The following NEDD4L variants were observed in gnomAD, a reference collection of about 807,000 sequenced individuals.
The protein encoded by NEDD4L is E3 ubiquitin-protein ligase NEDD4-like.
Under a neutral mutation model 148.9 loss-of-function variants are expected in NEDD4L, and 54 were observed. That is an observed-to-expected ratio of 0.36 (90% CI 0.29 to 0.45). The LOEUF is 0.45. Ranked by LOEUF, NEDD4L falls within the 20% of genes least tolerant of loss-of-function variation. The pLI is 1.00. For synonymous variants in NEDD4L, 433 were observed against 440.7 expected (o/e 0.98, Z 0.22); for missense variants, 856 against 1,233.8 (o/e 0.69, Z 4.59).
chr18:58,147,935 T>C (rs1382973145), intron 1 of NEDD4L, among the ~76,000 whole-genome samples: 2 of 152,130 alleles, frequency 1.3e-5, no homozygotes, highest in Non-Finnish European at 2.9e-5. Flanking sequence ...GTTTCTGTGC[T>C]CTGGCTCTGC....
At chr18:58,218,834 A>C (rs535077768) in intron 2 of NEDD4L, among the ~76,000 whole-genome samples, 1 of 152,274 alleles carries the variant, frequency 6.6e-6, no homozygotes, top group South Asian at 2.1e-4. Context: ...CCTGGTGATC[A>C]TGGTGGCAGT....
At chr18:58,205,524 G>A (rs1394627898) in intron 2 of NEDD4L, among the ~76,000 whole-genome samples, 1 of 151,730 alleles carries the variant, frequency 6.6e-6, no homozygotes, top group African/African-American at 2.4e-5. Context: ...GTGTGTGGTT[G>A]GCAGGGAGAG....
intron 2 of NEDD4L, among the ~76,000 whole-genome samples, chr18:58,180,891 A>C (rs1186415164): frequency 1.3e-5 from 2 of 152,208 alleles, no homozygotes; most frequent in Non-Finnish European, 2.9e-5. Flanking sequence ...TTAACTGTCT[A>C]TTCCTTCTCT....
chr18:58,356,531 G>A (rs764452475), intron 18 of NEDD4L, among the ~76,000 whole-genome samples: 1 of 152,196 alleles, frequency 6.6e-6, no homozygotes, highest in Non-Finnish European at 1.5e-5. Flanking sequence ...GGTATAGATA[G>A]CATTGAACAG....
chr18:58,218,260 C>T (rs966361261), intron 2 of NEDD4L, among the ~76,000 whole-genome samples: 1 of 152,184 alleles, frequency 6.6e-6, no homozygotes, highest in South Asian at 2.1e-4. Context: ...ACCCTAAAAA[C>T]TGCCCAGTCT....
chr18:58,102,491 C>G (rs1204237412), intron 1 of NEDD4L, among the ~76,000 whole-genome samples: 1 of 152,034 alleles, frequency 6.6e-6, no homozygotes, highest in Admixed American at 6.6e-5. Context: ...CTCTCAGGGC[C>G]CACTCACAGA....
chr18:58,262,257 A>AT (rs2049500878), intron 5 of NEDD4L, among the ~76,000 whole-genome samples: 1 of 152,208 alleles, frequency 6.6e-6, no homozygotes, highest in Non-Finnish European at 1.5e-5. Context: ...TTATTGAAAG[A>AT]TTTTTAGAAA....
intron 1 of NEDD4L, among the ~76,000 whole-genome samples, chr18:58,103,004 C>T (rs1161872425): frequency 5.9e-5 from 9 of 151,972 alleles, no homozygotes; most frequent in African/African-American, 1.7e-4. Flanking sequence ...TCTAAGATCA[C>T]GGCTGGCTTA....
Position 58,259,632 on chromosome 18 carries a change from G to C in NEDD4L, c.297+7578G>C, listed in dbSNP as rs191142961. On this transcript the variant is annotated intron_variant, in intron 5 of 30. Coordinates refer to ENST00000400345, the MANE Select transcript of NEDD4L (RefSeq NM_001144967.3). ...TTATGAAGTACTCAAGGTCTACTGT[G>C]TATATAACATTACACCCGTTACTTG... 9.9e-5 allele frequency among the ~76,000 whole-genome samples: 15 copies of C among 152,256 alleles called. No homozygotes were observed. In the East Asian group the frequency reaches 2.9e-3, roughly 29 times the overall value.
chr18:58,352,672 AG>A (rs2044061241), intron 18 of NEDD4L, among the ~76,000 whole-genome samples: 1 of 152,206 alleles, frequency 6.6e-6, no homozygotes, highest in Non-Finnish European at 1.5e-5. Context: ...AAAAGAAAAA[AG>A]TTTCCTTTAT....
chr18:58,147,158 A>G (rs1317680537), intron 1 of NEDD4L, among the ~76,000 whole-genome samples: 1 of 152,166 alleles, frequency 6.6e-6, no homozygotes, highest in Non-Finnish European at 1.5e-5. Context: ...TTATTTTGAA[A>G]CTAAAATTAT....
Position 58,249,702 on chromosome 18 carries a change from C to T in NEDD4L, c.243+765C>T, listed in dbSNP as rs549256303. 1.4e-4 allele frequency among the ~76,000 whole-genome samples: 21 copies of T among 152,334 alleles called. No homozygotes were observed. The East Asian group carries it at 4.0e-3, about 29-fold the overall frequency. On this transcript the variant is annotated intron_variant, in intron 4 of 30. Coordinates refer to ENST00000400345, the MANE Select transcript of NEDD4L (RefSeq NM_001144967.3). Reference sequence around the variant, plus strand: ...AATAATCCAGGTCTTCTGATTAGTGCAGATTTCCAAAGGCCAGTATTGCCA... The same window carrying T: ...AATAATCCAGGTCTTCTGATTAGTGTAGATTTCCAAAGGCCAGTATTGCCA...
At chr18:58,353,080 T>C (rs970026583) in intron 18 of NEDD4L, among the ~76,000 whole-genome samples, 1 of 152,226 alleles carries the variant, frequency 6.6e-6, no homozygotes, top group African/African-American at 2.4e-5. Context: ...TTGTTGTGCT[T>C]GATCAGAAAG....
chr18:58,386,896 C>T (rs943772503), intron 26 of NEDD4L, among the ~76,000 whole-genome samples: 8 of 152,206 alleles, frequency 5.3e-5, no homozygotes, highest in African/African-American at 1.4e-4. Flanking sequence ...TGGGCCCCAC[C>T]GCAGGCGGTC....
intron 1 of NEDD4L, among the ~76,000 whole-genome samples, chr18:58,068,089 A>G (rs746316000): frequency 1.3e-5 from 2 of 151,834 alleles, no homozygotes; most frequent in Non-Finnish European, 2.9e-5. Flanking sequence ...CCTCCTGAGT[A>G]GCTGGGACTA....
intron 6 of NEDD4L, among the ~76,000 whole-genome samples, chr18:58,320,630 A>T (rs2058691477): frequency 6.6e-6 from 1 of 152,186 alleles, no homozygotes; most frequent in African/African-American, 2.4e-5. Flanking sequence ...CCTGGGCAAC[A>T]TAGGAAGACC....
At position 58,365,588 on chromosome 18, in the gene NEDD4L, G is replaced by A. The variant is rs373956002; in HGVS notation, c.1834-411G>A. 1.9e-4 allele frequency among the ~76,000 whole-genome samples: 29 copies of A among 152,342 alleles called. No homozygotes were observed. In the South Asian group the frequency reaches 5.8e-3, roughly 31 times the overall value. On this transcript the variant is annotated intron_variant, in intron 20 of 30. Coordinates refer to ENST00000400345, the MANE Select transcript of NEDD4L (RefSeq NM_001144967.3). Reference sequence around the variant, plus strand: ...ACCACCTGGCGGCCCTGCCACAGTTGAGCATGGATAGGCCCAACCTGGCCA... The same window carrying A: ...ACCACCTGGCGGCCCTGCCACAGTTAAGCATGGATAGGCCCAACCTGGCCA...
rs1204075074 is a variant in NEDD4L, at chr18:58,255,897, C to T, written c.297+3843C>T. On this transcript the variant is annotated intron_variant, in intron 5 of 30. Transcript: ENST00000400345. The stretch of plus-strand genomic sequence containing the variant: ...TTGACCAGCATCGACGCCCGCCCCA[C>T]GTGCAGCTCCTCCGTGCAGATCTCC... The T allele has an allele frequency of 3.2e-6, 4 of 1,231,998 alleles. No homozygotes were observed. The African/African-American group carries it at 4.7e-5, about 14-fold the overall frequency. The allele number at this position is 1,231,998 out of a possible 1,614,324, so 76.3% of individuals were successfully genotyped here. A position where few individuals can be genotyped will look rare whatever the true frequency, so the allele number is the denominator to read the frequency against.
In NEDD4L at chr18:58,203,845, G is replaced by A. The variant is rs138600421; in HGVS notation, c.122+37984G>A. Among the ~76,000 whole-genome samples, 798 of 152,152 alleles carry A rather than the reference G, an allele frequency of 5.2e-3. 8 individuals carry two copies. Among genetic ancestry groups the A allele is most frequent in the African/African-American group, 0.018 (749 of 41,504 alleles). On this transcript the variant is annotated intron_variant, in intron 2 of 30. Transcript: ENST00000400345. ...GTAGCATTTGAAAAATAACAACTGT[G>A]TACTGCAATTTATAAGGGCATAATT...
Sources: allele counts gnomAD v4.1 joint callset (sites outside exome capture counted in the v4.1 genomes callset), GRCh38; gene constraint gnomAD v4.1.1; transcripts MANE v1.5; gene names NCBI Gene and HGNC (gene_info 2026-07-23, HGNC 2026-07-21).